POM121: variants seen among roughly 807,000 people sequenced by gnomAD.
The protein encoded by POM121 is POM121 transmembrane nucleoporin.
Under a neutral mutation model 81.3 loss-of-function variants are expected in POM121, and 32 were observed. The ratio of observed to expected loss-of-function variants is 0.39; its 90% CI spans 0.30 to 0.53. POM121 has a LOEUF of 0.53. POM121 is among the 20% of genes least tolerant of loss of function. The pLI is 0.66. For missense variants in POM121, 1,138 were observed against 1,614.6 expected, an observed-to-expected ratio of 0.70 and a Z score of 5.06; for synonymous variants, 514 against 694.2, an observed-to-expected ratio of 0.74 and a Z score of 4.08.
intron 6 of POM121, among the ~76,000 whole-genome samples, chr7:72,938,983 A>C (rs1796798120): frequency 6.6e-6 from 1 of 152,254 alleles, no homozygotes; most frequent in Non-Finnish European, 1.5e-5. Flanking sequence ...AGTCGCCTTC[A>C]GGTTCTTGAC....
At chr7:72,888,291 G>T (rs1790933662) in intron 1 of POM121, among the ~76,000 whole-genome samples, 1 of 152,098 alleles carries the variant, frequency 6.6e-6, no homozygotes, top group Admixed American at 6.6e-5. Flanking sequence ...TTTTTATTGG[G>T]ATTGCATATT....
rs1351848742 is a variant in POM121 at position 72,930,065 on chromosome 7, G to A, written c.1229G>A (p.Arg410His). The A allele has an allele frequency of 5.0e-6, 8 of 1,613,830 alleles. No individual in the cohort carries two copies. The highest frequency in any genetic ancestry group is 2.7e-5 in the African/African-American group (2 of 75,024). ...AYASGIPSSS[R>H]NAITSSYSST... ...GCAAGTGGCATCCCTAGCTCCAGCC[G>A]CAATGCCATTACCAGTTCCTACAGC... The change falls in exon 5 of 13, where the codon CGC becomes CAC. Residue 410 changes from arginine (R) to histidine (H), a missense_variant. Arg to His is a conservative substitution (Grantham distance 29). Around this residue, in one of 7 missense-constraint regions of POM121, gnomAD observed 646 missense variants for 633.5 expected, o/e 1.02. Coordinates refer to ENST00000434423, the MANE Select transcript of POM121 (RefSeq NM_001387691.1).
At chr7:72,924,803 G>T, upstream of POM121, 1 of 333,160 alleles carries the variant, frequency 3.0e-6, no homozygotes, top group Non-Finnish European at 5.4e-6. Context: ...CTGTGCTGGA[G>T]GGGAATTCAG....
chr7:72,902,064 A>T (rs1396260986), intron 3 of POM121, among the ~76,000 whole-genome samples: 1 of 151,576 alleles, frequency 6.6e-6, no homozygotes, highest in Non-Finnish European at 1.5e-5. Flanking sequence ...GTGAGCCGAG[A>T]TCGCGCCATT....
chr7:72,931,199 A>T (rs1293394216), intron 5 of POM121, among the ~76,000 whole-genome samples: 1 of 152,136 alleles, frequency 6.6e-6, no homozygotes, highest in African/African-American at 2.4e-5. Context: ...TTGATATGCA[A>T]ACTTTTCCAG....
At chr7:72,924,814 C>T (rs1402473749), upstream of POM121, 2 of 358,246 alleles carry the variant, frequency 5.6e-6, no homozygotes, top group Non-Finnish European at 9.9e-6. Context: ...GGGAATTCAG[C>T]CCCCATAAAA....
downstream of POM121, chr7:72,950,034 C>G (rs782629174): frequency 5.2e-6 from 8 of 1,550,342 alleles, no homozygotes; most frequent in Non-Finnish European, 6.2e-6. Flanking sequence ...ACACATTCTT[C>G]CCTTTTCTAT....
At chr7:72,950,231 G>A (rs1255972172), downstream of POM121, 10 of 1,604,910 alleles carry the variant, frequency 6.2e-6, 2 homozygotes, top group African/African-American at 1.4e-4. Flanking sequence ...ATCATTTCCT[G>A]AATTTCTCCC....
At chr7:72,925,796 T>C (rs1554497262) in intron 1 of POM121, 31 bp downstream of exon 1, 1 of 1,309,474 alleles carries the variant, frequency 7.6e-7, no homozygotes, top group Non-Finnish European at 9.7e-7. Flanking sequence ...CAGATCATCC[T>C]CTGGCTCGGC....
chr7:72,934,553 C>G (rs544635621), intron 5 of POM121, among the ~76,000 whole-genome samples: 13 of 152,084 alleles, frequency 8.5e-5, no homozygotes, highest in Non-Finnish European at 1.6e-4. Flanking sequence ...GCCTACCTAA[C>G]CTAAGGTCAT....
At chr7:72,949,228 C>T (rs1797916807), downstream of POM121, 7 of 881,858 alleles carry the variant, frequency 7.9e-6, 1 homozygote, top group Non-Finnish European at 1.3e-5. Context: ...ATTAAAGTGT[C>T]AGAACTAAGA....
At position 72,925,280 on chromosome 7, in the gene POM121, T is replaced by A; in HGVS notation, c.159T>A (p.Ala53=). 1 of 1,534,582 alleles carries A rather than the reference T, an allele frequency of 6.5e-7. No individual in the cohort carries two copies. The highest frequency in any genetic ancestry group is 8.7e-7 in the Non-Finnish European group (1 of 1,146,444). Residue 53 remains alanine, a synonymous_variant, in exon 1 of 13, where the codon GCT becomes GCA. Coordinates refer to ENST00000434423, the MANE Select transcript of POM121 (RefSeq NM_001387691.1). The part of the protein sequence containing the change: ...GLLLYLVPAA[A]ALAWLTVGAT... Reference sequence around the variant, plus strand: ...TACTGTACCTCGTGCCGGCTGCGGCTGCACTGGCCTGGCTGACCGTGGGGG... The same window carrying A: ...TACTGTACCTCGTGCCGGCTGCGGCAGCACTGGCCTGGCTGACCGTGGGGG...
At chr7:72,928,894 G>A (rs1795743112) in intron 4 of POM121, among the ~76,000 whole-genome samples, 1 of 152,190 alleles carries the variant, frequency 6.6e-6, no homozygotes, top group Non-Finnish European at 1.5e-5. Context: ...CCTCATCTGA[G>A]TCAGCAGTGT....
At chr7:72,910,257 CT>C (rs1210412347) in intron 3 of POM121, among the ~76,000 whole-genome samples, 3 of 152,196 alleles carry the variant, frequency 2.0e-5, no homozygotes, top group Admixed American at 6.5e-5. Flanking sequence ...CCTTTCTTTA[CT>C]GCTTTAAAGC....
In POM121 at chr7:72,928,418, A is replaced by AT; in HGVS notation, c.1059dup (p.Glu354Ter). 1.2e-6 allele frequency: 2 copies of AT among 1,614,252 alleles called. No individual in the cohort carries two copies. Among genetic ancestry groups the AT allele is most frequent in the Non-Finnish European group, 8.5e-7 (1 of 1,180,028 alleles). On this transcript the variant is annotated frameshift_variant, in exon 4 of 13. Transcript: ENST00000434423. LOFTEE classifies it high-confidence loss of function. ...ATAGCAGTGGCAGTGGACATTCAGC[A>AT]TTTGAGCCCCTGGTGGCCAATGGAG... is the stretch of plus-strand genomic sequence containing the variant.
intron 3 of POM121, among the ~76,000 whole-genome samples, chr7:72,910,242 T>C (rs1407357355): frequency 6.6e-6 from 1 of 151,982 alleles, no homozygotes; most frequent in Non-Finnish European, 1.5e-5. Context: ...TTCCTTCCCT[T>C]CCTTCCTTTC....
intron 3 of POM121, among the ~76,000 whole-genome samples, chr7:72,908,131 G>A (rs1179868525): frequency 6.6e-6 from 1 of 152,174 alleles, no homozygotes; most frequent in East Asian, 1.9e-4. Context: ...TTACAACGTA[G>A]TTCTTCTACA....
intron 4 of POM121, among the ~76,000 whole-genome samples, chr7:72,929,218 A>G (rs1795778624): frequency 6.6e-6 from 1 of 152,232 alleles, no homozygotes; most frequent in Non-Finnish European, 1.5e-5. Context: ...TAAGTGAGGG[A>G]AGGACAATGG....
chr7:72,881,471 G>A (rs1456503721), intron 1 of POM121, among the ~76,000 whole-genome samples: 1 of 150,602 alleles, frequency 6.6e-6, no homozygotes, highest in Non-Finnish European at 1.5e-5. Context: ...CATGACTTCA[G>A]TGACCTGCTT....
Sources: gnomAD v4.1 joint callset for allele counts (sites outside exome capture counted in the v4.1 genomes callset) on GRCh38, gnomAD v4.1.1 for gene constraint, gnomAD v4.1.1 regional missense constraint, MANE v1.5 for transcripts, NCBI Gene and HGNC (gene_info 2026-07-23, HGNC 2026-07-21) for gene names.